The following NUP42 variants were observed in gnomAD, a reference collection of about 807,000 sequenced individuals.
NUP42 encodes nucleoporin 42, also known as nucleoporin NUP42.
NUP42 carries 47 observed loss-of-function variants against 35.9 expected under a neutral mutation model. The observed-to-expected ratio is 1.31, with a 90% confidence interval of 1.04 to 1.67. The LOEUF is 1.67. NUP42 is among the 40% of genes most tolerant of loss of function. The probability of loss-of-function intolerance (pLI) is 0.00; values close to 1 mark genes in which losing one functional copy is unlikely to be tolerated. For missense variants in NUP42, 514 were observed against 492.2 expected (o/e 1.04, Z -0.42); for synonymous variants, 173 against 173.3 (o/e 1.00, Z 0.01).
In NUP42 at chr7:23,200,947, T is replaced by C. The variant is rs1485820446; in HGVS notation, c.*202T>C. The C allele has an allele frequency of 3.0e-6, 1 of 331,810 alleles. No homozygotes were observed. The highest frequency in any genetic ancestry group is 5.3e-6 in the Non-Finnish European group (1 of 186,992). 20.6% of individuals were successfully genotyped at this position (331,810 alleles called of 1,614,324 possible). A position where few individuals can be genotyped will look rare whatever the true frequency, so the allele number is the denominator to read the frequency against. On this transcript the variant is annotated 3_prime_UTR_variant, in exon 7 of 7. Transcript: ENST00000258742. ...CTCTGCAAGCAAGGGAATTTTTTTG[T>C]ACTGTAATTTTGAATGGAACTGAAA...
rs1244766147 is a variant in NUP42, at chr7:23,182,112, A to G, written c.27A>G (p.Gln9=). The change falls in exon 1 of 7, where the codon CAA becomes CAG. Residue 9 remains glutamine (Q), a synonymous_variant. Coordinates refer to ENST00000258742, the MANE Select transcript of NUP42 (RefSeq NM_007342.3). MAICQFFL[Q]GRCRFGDRCW... Reference sequence around the variant, plus strand: ...TGGCCATTTGTCAATTCTTCCTTCAAGGCCGGTGCCGCTTTGGAGATCGGT... The same window carrying G: ...TGGCCATTTGTCAATTCTTCCTTCAGGGCCGGTGCCGCTTTGGAGATCGGT... 6.2e-7 allele frequency: 1 copy of G among 1,614,152 alleles called. No homozygotes were observed. Among genetic ancestry groups the G allele is most frequent in the Non-Finnish European group, 8.5e-7 (1 of 1,180,030 alleles).
chr7:23,187,587 C>A (rs1336120861), intron 3 of NUP42, among the ~76,000 whole-genome samples: 1 of 144,264 alleles, frequency 6.9e-6, no homozygotes, highest in Non-Finnish European at 1.5e-5. Flanking sequence ...AGCTGGGCTA[C>A]AGGGATAGCA....
intron 3 of NUP42, chr7:23,187,936 G>GTCTC (rs138098011): frequency 4.2e-6 from 2 of 479,238 alleles, no homozygotes; most frequent in Admixed American, 4.0e-5. Flanking sequence ...AATATTCTCT[G>GTCTC]TCTCTCTCTC....
intron 3 of NUP42, among the ~76,000 whole-genome samples, chr7:23,187,599 C>CTTTTTTTTT (rs11446033): frequency 1.2e-5 from 1 of 84,826 alleles, no homozygotes; most frequent in Non-Finnish European, 2.2e-5. Flanking sequence ...GGGATAGCAA[C>CTTTTTTTTT]TTTTTTTTTT....
At position 23,191,277 on chromosome 7, in the gene NUP42, A is replaced by G. The variant is rs569506621; in HGVS notation, c.445+4131A>G. Among the ~76,000 whole-genome samples the G allele has an allele frequency of 2.6e-5, 4 of 152,318 alleles. No individual in the cohort carries two copies. In the East Asian group the frequency reaches 7.7e-4, roughly 29 times the overall value. On this transcript the variant is annotated intron_variant, in intron 3 of 6. Transcript: ENST00000258742. ...AAAGAGGGACGTGATCTGATTAGAA[A>G]AAGCTAACTCAGCATGCTGTGTGAG... is the stretch of plus-strand genomic sequence containing the variant.
chr7:23,188,090 G>T, intron 3 of NUP42: 1 of 1,425,070 alleles, frequency 7.0e-7, no homozygotes, highest in South Asian at 1.6e-5. Flanking sequence ...AGCCCACTCT[G>T]GGTGTTCCTG....
chr7:23,183,024 C>T (rs962002340), intron 1 of NUP42, among the ~76,000 whole-genome samples: 2 of 152,102 alleles, frequency 1.3e-5, no homozygotes, highest in South Asian at 4.2e-4. Context: ...GAATGTGGGA[C>T]GCCCAGTTAA....
At chr7:23,194,410 G>GC (rs2058291473) in intron 3 of NUP42, 1 of 155,296 alleles carries the variant, frequency 6.4e-6, no homozygotes, top group African/African-American at 2.4e-5. Flanking sequence ...AGGCTGGAGT[G>GC]CAGTGGCGCC....
intron 3 of NUP42, among the ~76,000 whole-genome samples, chr7:23,190,309 T>C (rs1221653554): frequency 1.3e-5 from 2 of 152,242 alleles, no homozygotes; most frequent in East Asian, 3.8e-4. Flanking sequence ...CAGAAGCATA[T>C]GTAAGAATCC....
At chr7:23,192,443 A>G (rs1240835086) in intron 3 of NUP42, among the ~76,000 whole-genome samples, 1 of 150,350 alleles carries the variant, frequency 6.7e-6, no homozygotes, top group Non-Finnish European at 1.5e-5. Flanking sequence ...ACTACTGTGG[A>G]GGCTGAGGCA....
At chr7:23,191,262 G>T (rs1167413481) in intron 3 of NUP42, among the ~76,000 whole-genome samples, 3 of 152,168 alleles carry the variant, frequency 2.0e-5, no homozygotes, top group Non-Finnish European at 4.4e-5. Flanking sequence ...AAAGAGGGAC[G>T]TGATCTGATT....
intron 3 of NUP42, among the ~76,000 whole-genome samples, chr7:23,192,576 C>G (rs1352929001): frequency 6.7e-6 from 1 of 149,520 alleles, no homozygotes; most frequent in Non-Finnish European, 1.5e-5. Context: ...AAAAGAAAAT[C>G]ATAAGGATAA....
At chr7:23,197,325 ATAATTT>A in intron 5 of NUP42, 3 of 629,648 alleles carry the variant, frequency 4.8e-6, no homozygotes, top group Non-Finnish European at 7.6e-6. Flanking sequence ...ATTCACATTT[ATAATTT>A]TAATATTTCC....
In NUP42 at chr7:23,185,103, A is replaced by G; in HGVS notation, c.155A>G (p.Gln52Arg). 8 of 1,613,908 alleles carry G rather than the reference A, an allele frequency of 5.0e-6. No homozygotes were observed. Among genetic ancestry groups the G allele is most frequent in the Non-Finnish European group, 6.8e-6 (8 of 1,179,762 alleles). The change falls in exon 2 of 7, where the codon CAG becomes CGG. Residue 52 changes from glutamine to arginine, a missense_variant. By Grantham distance (43) the Gln-to-Arg change is conservative. Transcript: ENST00000258742. Reference protein sequence around the residue: ...NNRRGWNTTSQRYSNVIQPSS... With the variant: ...NNRRGWNTTSRRYSNVIQPSS... ...AGACGTGGATGGAATACAACTAGCC[A>G]GAGATATTCCAATGTCATCCAGCCA...
intron 3 of NUP42, among the ~76,000 whole-genome samples, chr7:23,191,026 G>C (rs963212012): frequency 2.0e-5 from 3 of 152,196 alleles, no homozygotes; most frequent in Admixed American, 1.3e-4. Context: ...GAGGGTATCA[G>C]TTATGGGAAG....
chr7:23,184,863 A>C (rs1785534830), intron 1 of NUP42, among the ~76,000 whole-genome samples: 2 of 152,050 alleles, frequency 1.3e-5, no homozygotes, highest in South Asian at 4.2e-4. Flanking sequence ...AAAATTAGCC[A>C]GACATGGTGG....
chr7:23,194,941 G>A (rs1785961090), intron 3 of NUP42: 1 of 152,082 alleles, frequency 6.6e-6, no homozygotes, highest in African/African-American at 2.4e-5. Context: ...ATCCGCCTCA[G>A]CCTCCCAAAG....
At chr7:23,191,314 G>T (rs1785784338) in intron 3 of NUP42, among the ~76,000 whole-genome samples, 1 of 152,200 alleles carries the variant, frequency 6.6e-6, no homozygotes, top group African/African-American at 2.4e-5. Context: ...GGGGAGAAAG[G>T]TCTGTTGGGA....
At chr7:23,185,683 A>G (rs1207855141) in intron 2 of NUP42, among the ~76,000 whole-genome samples, 3 of 152,350 alleles carry the variant, frequency 2.0e-5, no homozygotes, top group Non-Finnish European at 2.9e-5. Context: ...TTTACAAAGT[A>G]TGATGTAATT....
Sources: gnomAD v4.1 joint callset for allele counts (sites outside exome capture counted in the v4.1 genomes callset) on GRCh38, gnomAD v4.1.1 for gene constraint, MANE v1.5 for transcripts, NCBI Gene and HGNC (gene_info 2026-07-23, HGNC 2026-07-21) for gene names.